Variants in REL observed in about 807,000 individuals in gnomAD.
REL encodes the protein REL proto-oncogene, NF-kB subunit.
In REL, 15 loss-of-function variants were observed where a neutral mutation model predicts 45.9. The ratio of observed to expected loss-of-function variants is 0.33; its 90% CI spans 0.22 to 0.50. The LOEUF (loss-of-function observed/expected upper bound fraction) is 0.50. REL is among the 20% of genes least tolerant of loss of function. The pLI is 0.98. For missense variants in REL, 601 were observed against 715.2 expected (o/e 0.84, Z 1.82); for synonymous variants, 239 against 242.1 (o/e 0.99, Z 0.12).
rs372561089 is a variant in REL at position 60,907,928 on chromosome 2, G to C, written c.394+6845G>C. 4.4e-4 allele frequency among the ~76,000 whole-genome samples: 67 copies of C among 151,928 alleles called. 1 individual carries two copies. In the South Asian group the frequency reaches 0.011, roughly 24 times the overall value. On this transcript the variant is annotated intron_variant, in intron 4 of 9. Transcript: ENST00000394479. ...AGGATGGCCTCGGTCTCCTGATCTC[G>C]TGTTCCGTCCACCTCGGCCTCCCAA... is the stretch of plus-strand genomic sequence containing the variant.
chr2:60,910,543 G>C lies in REL; in HGVS notation c.395-6334G>C, dbSNP rs368042487. ...GAGAACAGTTATTACCTTATATTTT[G>C]ACTAACTACAAAGTGAAATTTTAAA... On this transcript the variant is annotated intron_variant, in intron 4 of 9. Coordinates refer to ENST00000394479, the MANE Select transcript of REL (RefSeq NM_001291746.2). 3.9e-4 allele frequency among the ~76,000 whole-genome samples: 59 copies of C among 150,790 alleles called. 1 individual carries two copies. In the South Asian group the frequency reaches 0.011, roughly 28 times the overall value.
At position 60,881,630 on chromosome 2, in the gene REL, G is replaced by C. The variant is rs532357648; in HGVS notation, c.-211G>C. ...TGGCTCCCGTACGGTGGACGGCGAC[G>C]CTGGGTGACCCGGGGTGCAAGAATT... On this transcript the variant is annotated 5_prime_UTR_variant, in exon 1 of 10. Transcript: ENST00000394479. 1.4e-4 allele frequency: 75 copies of C among 522,656 alleles called. No homozygotes were observed. The African/African-American group carries it at 1.4e-3, about 10-fold the overall frequency. The allele number at this position is 522,656 out of a possible 1,614,324, so 32.4% of individuals were successfully genotyped here. A position where few individuals can be genotyped will look rare whatever the true frequency, so the allele number is the denominator to read the frequency against.
intron 8 of REL, 125 bp downstream of exon 8, chr2:60,920,234 C>T (rs1000869533): frequency 1.0e-5 from 8 of 770,758 alleles, no homozygotes; most frequent in African/African-American, 1.8e-5. Context: ...TAGCATCTCT[C>T]TCTGTCACCC....
At chr2:60,894,598 C>T (rs1478494699) in intron 3 of REL, 53 bp downstream of exon 3, 1 of 1,329,742 alleles carries the variant, frequency 7.5e-7, no homozygotes, top group Non-Finnish European at 1.0e-6. Flanking sequence ...ATAGGATGTT[C>T]TGTTTCTTCT....
Position 60,918,208 on chromosome 2 carries a change from G to C in REL, c.553G>C (p.Glu185Gln). The change falls in exon 6 of 10, where the codon GAA becomes CAA. Residue 185 changes from glutamate to glutamine, a missense_variant. Coordinates refer to ENST00000394479, the MANE Select transcript of REL (RefSeq NM_001291746.2). Reference sequence around the variant, plus strand: ...ATATTTAGGTGCTCCAAATACTGCAGAATTAAGGATTTGTCGTGTAAACAA... The same window carrying C: ...ATATTTAGGTGCTCCAAATACTGCACAATTAAGGATTTGTCGTGTAAACAA... Reference protein sequence around the residue: ...IYDNRAPNTAELRICRVNKNC... With the variant: ...IYDNRAPNTAQLRICRVNKNC... 6.2e-7 allele frequency: 1 copy of C among 1,602,082 alleles called. No homozygotes were observed. The highest frequency in any genetic ancestry group is 1.1e-5 in the South Asian group (1 of 89,356).
At chr2:60,921,291 C>T (rs1674134326) in intron 9 of REL, among the ~76,000 whole-genome samples, 1 of 152,012 alleles carries the variant, frequency 6.6e-6, no homozygotes, top group East Asian at 1.9e-4. Context: ...TTTATAGTCT[C>T]TTAGGGTTCT....
chr2:60,892,586 G>A (rs561759627), intron 2 of REL, among the ~76,000 whole-genome samples: 19 of 151,656 alleles, frequency 1.3e-4, no homozygotes, highest in Admixed American at 3.9e-4. Flanking sequence ...CCACCACCAC[G>A]CCCAGCTGAT....
chr2:60,903,423 G>C (rs1673552376), intron 4 of REL, among the ~76,000 whole-genome samples: 2 of 152,162 alleles, frequency 1.3e-5, no homozygotes, highest in African/African-American at 2.4e-5. Flanking sequence ...GCCCGGGCTG[G>C]AGTGCAGTGA....
intron 3 of REL, among the ~76,000 whole-genome samples, chr2:60,896,838 T>C (rs569219578): frequency 1.3e-5 from 2 of 152,354 alleles, no homozygotes; most frequent in South Asian, 4.1e-4. Context: ...GTCCTAATAA[T>C]GCTCTTTATG....
chr2:60,889,719 G>C (rs1673160291), intron 1 of REL, among the ~76,000 whole-genome samples: 1 of 151,842 alleles, frequency 6.6e-6, no homozygotes, highest in South Asian at 2.1e-4. Context: ...GCGGTGTTTG[G>C]TTTTTTTGTC....
chr2:60,894,395 A>T lies in REL; in HGVS notation c.154-2A>T. 6.8e-7 allele frequency: 1 copy of T among 1,475,240 alleles called. No individual in the cohort carries two copies. Among genetic ancestry groups the T allele is most frequent in the Non-Finnish European group, 9.2e-7 (1 of 1,092,526 alleles). 91.4% of individuals were successfully genotyped at this position (1,475,240 alleles called of 1,614,324 possible). On this transcript the variant is annotated splice_acceptor_variant, in intron 2 of 9. Coordinates refer to ENST00000394479, the MANE Select transcript of REL (RefSeq NM_001291746.2). LOFTEE classifies it high-confidence loss of function. ...ATGTATTTAATTTCCCCCTTTTTTCAGATTATGAACTATTATGGAAAAGGA... is the reference window on the plus strand; with the variant it reads ...ATGTATTTAATTTCCCCCTTTTTTCTGATTATGAACTATTATGGAAAAGGA...
chr2:60,918,628 AATTTATAT>A (rs1674049350), intron 7 of REL, 22 bp downstream of exon 7: 5 of 1,527,298 alleles, frequency 3.3e-6, no homozygotes, highest in Non-Finnish European at 4.5e-6. Flanking sequence ...TGCTGGTAAT[AATTTATAT>A]ATTTCTTGAA....
rs903551341 is a variant in REL, at chr2:60,924,938, T to C, written c.*2403T>C. 9.4e-6 allele frequency: 2 copies of C among 211,922 alleles called. No individual in the cohort carries two copies. The highest frequency in any genetic ancestry group is 2.3e-5 in the African/African-American group (1 of 44,216). The allele number at this position is 211,922 out of a possible 1,614,324, so 13.1% of individuals were successfully genotyped here. A position where few individuals can be genotyped will look rare whatever the true frequency, so the allele number is the denominator to read the frequency against. ...TTTGCTGTTTGTGTTTCGTGACTTT[T>C]GGTAATTCTGGCATTTAGAAACCTT... On this transcript the variant is annotated 3_prime_UTR_variant, in exon 10 of 10. Coordinates refer to ENST00000394479, the MANE Select transcript of REL (RefSeq NM_001291746.2).
At chr2:60,915,698 TG>T (rs1355794055) in intron 4 of REL, among the ~76,000 whole-genome samples, 2 of 152,232 alleles carry the variant, frequency 1.3e-5, no homozygotes, top group African/African-American at 4.8e-5. Context: ...GTGCATGTCT[TG>T]CTTTTTAAAA....
intron 4 of REL, among the ~76,000 whole-genome samples, chr2:60,915,889 T>C (rs1236544641): frequency 6.6e-6 from 1 of 152,210 alleles, no homozygotes; most frequent in Non-Finnish European, 1.5e-5. Context: ...CACGTAAAAT[T>C]TCTTATGGAA....
intron 1 of REL, among the ~76,000 whole-genome samples, chr2:60,888,508 G>A (rs982323938): frequency 1.3e-5 from 2 of 152,164 alleles, no homozygotes; most frequent in African/African-American, 4.8e-5. Context: ...TGAAATATTT[G>A]AAATTGCAAT....
At chr2:60,916,839 T>C (rs1573342077) in intron 4 of REL, 38 bp from the exon 5 acceptor site, 1 of 1,520,928 alleles carries the variant, frequency 6.6e-7, no homozygotes, top group East Asian at 2.3e-5. Context: ...TAGGTCTATG[T>C]GACTATTACA....
chr2:60,907,374 C>T (rs575994205), intron 4 of REL, among the ~76,000 whole-genome samples: 8 of 152,054 alleles, frequency 5.3e-5, no homozygotes, highest in African/African-American at 1.4e-4. Context: ...GGGCCAGGCA[C>T]GGTGGCTCAT....
rs894519504 is a variant in REL, at chr2:60,923,378, A to G, written c.*843A>G. On this transcript the variant is annotated 3_prime_UTR_variant, in exon 10 of 10. Transcript: ENST00000394479. ...AAGTTGCTTATGATTTTAGCTGTAC[A>G]CTCATTTTTTAAGGGGAAGAAGTTT... 3 of 230,756 alleles carry G rather than the reference A, an allele frequency of 1.3e-5. No homozygotes were observed. Among genetic ancestry groups the G allele is most frequent in the Non-Finnish European group, 2.6e-5 (3 of 116,516 alleles). The allele number at this position is 230,756 out of a possible 1,614,324, so 14.3% of individuals were successfully genotyped here.
Sources: gnomAD v4.1 joint callset for allele counts (sites outside exome capture counted in the v4.1 genomes callset) on GRCh38, gnomAD v4.1.1 for gene constraint, MANE v1.5 for transcripts, NCBI Gene and HGNC (gene_info 2026-07-23, HGNC 2026-07-21) for gene names.